COL24A1: variants seen among roughly 807,000 people sequenced by gnomAD.
COL24A1 encodes the protein collagen alpha-1(XXIV) chain.
A neutral mutation model predicts 253.9 loss-of-function variants in COL24A1; 224 were observed. The observed-to-expected ratio is 0.88, with a 90% CI of 0.79 to 0.99. The LOEUF (loss-of-function observed/expected upper bound fraction) is 0.99, where lower values mean the gene tolerates loss of function less well. Ranked by LOEUF, COL24A1 falls within the 50% of genes least tolerant of loss-of-function variation. COL24A1 has a pLI of 0.00. For missense variants in COL24A1, 2,131 were observed against 2,068.5 expected (o/e 1.03, Z -0.59); for synonymous variants, 685 against 673.7 (o/e 1.02, Z -0.26).
At chr1:86,057,226 G>A (rs966516911) in intron 10 of COL24A1, among the ~76,000 whole-genome samples, 5 of 152,046 alleles carry the variant, frequency 3.3e-5, no homozygotes, top group South Asian at 4.2e-4. Flanking sequence ...TCCCACTCTC[G>A]CCTTGTGACA....
chr1:86,065,803 C>G (rs114689284), intron 7 of COL24A1, among the ~76,000 whole-genome samples: 1 of 148,340 alleles, frequency 6.7e-6, no homozygotes, highest in Admixed American at 6.7e-5. Context: ...CAATAAAAAT[C>G]TCTTTTTTAA....
At chr1:85,980,454 T>C (rs1233916789) in intron 20 of COL24A1, among the ~76,000 whole-genome samples, 1 of 152,202 alleles carries the variant, frequency 6.6e-6, no homozygotes, top group Non-Finnish European at 1.5e-5. Context: ...GAAAAACTCC[T>C]AGCTCTGATA....
rs200080983 is a variant in COL24A1 at position 85,818,053 on chromosome 1, G to C, written c.3824C>G (p.Ser1275Cys). 21 of 1,613,674 alleles carry C rather than the reference G, an allele frequency of 1.3e-5. No homozygotes were observed. The African/African-American group carries it at 2.0e-4, about 15-fold the overall frequency. Residue 1275 changes from serine (S) to cysteine (C), a missense_variant, in exon 46 of 60, where the codon TCT becomes TGT. Ser to Cys is a moderately radical substitution (Grantham distance 112). Coordinates refer to ENST00000370571, the MANE Select transcript of COL24A1 (RefSeq NM_152890.7). ...NKGKKGAPGP[S>C]GKPGIPGLQG... ...ACTTACAGGAATCCCAGGTTTCCCAGAAGGACCAGGAGCTCCTTTTTTCCC... is the reference window on the plus strand; with the variant it reads ...ACTTACAGGAATCCCAGGTTTCCCACAAGGACCAGGAGCTCCTTTTTTCCC...
chr1:85,784,156 C>A lies in COL24A1; in HGVS notation c.4178G>T (p.Gly1393Val), dbSNP rs1669423203. ...PGLKGQPGEY[G>V]VQGLTGFQGF... ...TTGGAAACCTGTCAAACCTTGAACACCATATTCTCCCTGCAAAGTGAATTG... is the reference window on the plus strand; with the variant it reads ...TTGGAAACCTGTCAAACCTTGAACAACATATTCTCCCTGCAAAGTGAATTG... The change falls in exon 50 of 60, where the codon GGT (glycine) becomes GTT (valine). Residue 1393 changes from glycine (G) to valine (V), a missense_variant. Gly to Val is a moderately radical substitution (Grantham distance 109). Coordinates refer to ENST00000370571, the MANE Select transcript of COL24A1 (RefSeq NM_152890.7). 6.2e-7 allele frequency: 1 copy of A among 1,613,642 alleles called. No homozygotes were observed. Among genetic ancestry groups the A allele is most frequent in the Non-Finnish European group, 8.5e-7 (1 of 1,179,682 alleles).
At chr1:85,859,937 G>C (rs1678946360) in intron 37 of COL24A1, among the ~76,000 whole-genome samples, 2 of 152,060 alleles carry the variant, frequency 1.3e-5, no homozygotes, top group Admixed American at 1.3e-4. Context: ...GAGCAACATA[G>C]CAAGACCGCA....
intron 1 of COL24A1, 149 bp downstream of exon 1, chr1:86,156,192 A>C (rs1166991659): frequency 4.8e-6 from 3 of 631,054 alleles, no homozygotes; most frequent in Non-Finnish European, 8.5e-6. Flanking sequence ...TGAGAAGACA[A>C]GGGGAAGATA....
intron 37 of COL24A1, among the ~76,000 whole-genome samples, chr1:85,860,068 A>G (rs1424090172): frequency 1.3e-5 from 2 of 152,220 alleles, no homozygotes; most frequent in Non-Finnish European, 2.9e-5. Context: ...GGGATTCCCT[A>G]TTTTAGACTT....
chr1:86,003,651 G>A (rs1262633246), intron 19 of COL24A1, among the ~76,000 whole-genome samples: 2 of 152,262 alleles, frequency 1.3e-5, no homozygotes, highest in Non-Finnish European at 2.9e-5. Context: ...GTCATCCTAA[G>A]GGGTAGATCT....
At chr1:86,133,744 C>G (rs1412772637) in intron 2 of COL24A1, among the ~76,000 whole-genome samples, 2 of 152,050 alleles carry the variant, frequency 1.3e-5, no homozygotes, top group Non-Finnish European at 2.9e-5. Flanking sequence ...CTGCTGGATT[C>G]GTTTTGCCAG....
At chr1:85,998,218 G>T (rs1695043200) in intron 19 of COL24A1, among the ~76,000 whole-genome samples, 1 of 152,080 alleles carries the variant, frequency 6.6e-6, no homozygotes, top group African/African-American at 2.4e-5. Context: ...GTTTCCTCTG[G>T]CTGGAATGCC....
At chr1:86,084,171 TC>T (rs1197133998) in intron 7 of COL24A1, among the ~76,000 whole-genome samples, 1 of 152,034 alleles carries the variant, frequency 6.6e-6, no homozygotes, top group Admixed American at 6.6e-5. Flanking sequence ...GGTATAGTTA[TC>T]AAAAAAAGAA....
chr1:85,781,423 A>T (rs1015866734), intron 51 of COL24A1, 150 bp from the exon 52 acceptor site: 12 of 483,680 alleles, frequency 2.5e-5, no homozygotes, highest in Non-Finnish European at 4.2e-5. Flanking sequence ...AAATTACAAT[A>T]ATCTTGGTTA....
intron 3 of COL24A1, among the ~76,000 whole-genome samples, chr1:86,117,242 T>C (rs1347891345): frequency 6.6e-6 from 1 of 152,166 alleles, no homozygotes; most frequent in South Asian, 2.1e-4. Context: ...CTAAACAAAG[T>C]GATGGTAGTA....
At chr1:85,976,405 G>T (rs1244375651) in intron 20 of COL24A1, among the ~76,000 whole-genome samples, 1 of 151,968 alleles carries the variant, frequency 6.6e-6, no homozygotes, top group South Asian at 2.1e-4. Flanking sequence ...GGGTATTATG[G>T]AACAAAATGC....
intron 43 of COL24A1, among the ~76,000 whole-genome samples, chr1:85,826,821 T>C (rs1674408531): frequency 6.6e-6 from 1 of 152,196 alleles, no homozygotes; most frequent in Non-Finnish European, 1.5e-5. Flanking sequence ...TAAGGAGATT[T>C]TGGGCTGAGA....
intron 47 of COL24A1, among the ~76,000 whole-genome samples, chr1:85,792,435 C>G (rs1275210827): frequency 7.3e-5 from 11 of 151,012 alleles, no homozygotes; most frequent in African/African-American, 2.7e-4. Flanking sequence ...CCCTGTAACC[C>G]CAGCACTTTG....
intron 19 of COL24A1, among the ~76,000 whole-genome samples, chr1:85,988,820 A>C (rs518829): frequency 0.25 from 38,445 of 151,992 alleles, 4,958 homozygotes; most frequent in South Asian, 0.32. Flanking sequence ...TAGGACACGA[A>C]TGCCTCGACT....
intron 22 of COL24A1, among the ~76,000 whole-genome samples, chr1:85,966,938 T>C (rs1691624750): frequency 6.6e-6 from 1 of 152,148 alleles, no homozygotes; most frequent in Admixed American, 6.6e-5. Context: ...TTTTGTTTTG[T>C]TTTTAAGCTA....
At chr1:85,987,355 C>A (rs1693807392) in intron 20 of COL24A1, among the ~76,000 whole-genome samples, 1 of 151,644 alleles carries the variant, frequency 6.6e-6, no homozygotes, top group Admixed American at 6.6e-5. Context: ...GTTTTTTCTC[C>A]TCATCTCTTC....
Sources: gnomAD v4.1 joint callset for allele counts (sites outside exome capture counted in the v4.1 genomes callset) on GRCh38, gnomAD v4.1.1 for gene constraint, MANE v1.5 for transcripts, NCBI Gene and HGNC (gene_info 2026-07-23, HGNC 2026-07-21) for gene names.